Variants in PTPRG observed in about 807,000 individuals in gnomAD.
PTPRG encodes protein tyrosine phosphatase receptor type G, also known as receptor-type tyrosine-protein phosphatase gamma.
A neutral mutation model predicts 165.3 loss-of-function variants in PTPRG; 102 were observed. The ratio of observed to expected loss-of-function variants is 0.62; its 90% CI spans 0.53 to 0.73. The LOEUF is 0.73. Among genes scored for constraint, PTPRG ranks in the 30% least tolerant of loss-of-function variants. The pLI is 0.00. For synonymous variants in PTPRG, 675 were observed against 669.5 expected (o/e 1.01, Z -0.13); for missense variants, 1,866 against 1,861.4 (o/e 1.00, Z -0.05).
intron 1 of PTPRG, among the ~76,000 whole-genome samples, chr3:61,664,598 G>C (rs535501856): frequency 6.6e-6 from 1 of 152,184 alleles, no homozygotes; most frequent in Non-Finnish European, 1.5e-5. Context: ...GGAAGCCAAG[G>C]CTGGTAGGTC....
intron 1 of PTPRG, among the ~76,000 whole-genome samples, chr3:61,575,745 G>A (rs565716298): frequency 2.6e-5 from 4 of 151,952 alleles, no homozygotes; most frequent in South Asian, 2.1e-4. Flanking sequence ...AATTACAGGC[G>A]CATGCCACCA....
At chr3:61,926,581 T>TCCCCTCCCTCCCTCCCTCCC (rs1488879902) in intron 2 of PTPRG, among the ~76,000 whole-genome samples, 1 of 91,544 alleles carries the variant, frequency 1.1e-5, no homozygotes. Flanking sequence ...TTTCTTCCCC[T>TCCCCTCCCTCCCTCCCTCCC]TCCCTCCCTC....
intron 4 of PTPRG, among the ~76,000 whole-genome samples, chr3:62,011,345 A>G (rs1358452741): frequency 1.3e-5 from 2 of 152,220 alleles, no homozygotes; most frequent in African/African-American, 4.8e-5. Context: ...GTCTGCCTAT[A>G]GAAAGCTGGT....
intron 2 of PTPRG, among the ~76,000 whole-genome samples, chr3:61,894,948 A>G (rs949570866): frequency 6.6e-6 from 1 of 152,032 alleles, no homozygotes; most frequent in South Asian, 2.1e-4. Context: ...GGGGCCCCAT[A>G]AGTCTTTGTT....
intron 4 of PTPRG, among the ~76,000 whole-genome samples, chr3:62,041,641 G>A (rs1206512667): frequency 6.6e-6 from 1 of 152,102 alleles, no homozygotes; most frequent in Non-Finnish European, 1.5e-5. Flanking sequence ...CTGATATTGT[G>A]GGAGATTATA....
chr3:62,086,615 A>G (rs978242903), intron 5 of PTPRG, among the ~76,000 whole-genome samples: 2 of 152,252 alleles, frequency 1.3e-5, no homozygotes, highest in Non-Finnish European at 2.9e-5. Flanking sequence ...ATCCAGATAT[A>G]AGTTCAATTC....
At chr3:61,908,878 A>G (rs568913924) in intron 2 of PTPRG, among the ~76,000 whole-genome samples, 6 of 152,342 alleles carry the variant, frequency 3.9e-5, no homozygotes, top group Non-Finnish European at 7.4e-5. Context: ...TGGGCCTTAC[A>G]TGGAAGCTGA....
intron 2 of PTPRG, among the ~76,000 whole-genome samples, chr3:61,939,939 T>C: frequency 9.9e-6 from 1 of 101,142 alleles, no homozygotes; most frequent in East Asian, 2.6e-4. Context: ...TTTTTTTTTT[T>C]TTTTTTTTTT....
chr3:61,840,314 G>A (rs969866202), intron 2 of PTPRG, among the ~76,000 whole-genome samples: 4 of 152,008 alleles, frequency 2.6e-5, no homozygotes, highest in Admixed American at 6.6e-5. Context: ...GACCCATTTC[G>A]ATCTGTATTC....
rs1043557189 is a variant in PTPRG at position 62,214,540 on chromosome 3, C to T, written c.2156-4311C>T. Among the ~76,000 whole-genome samples the T allele has an allele frequency of 5.9e-5, 9 of 152,192 alleles. No individual in the cohort carries two copies. Among genetic ancestry groups the T allele is most frequent in the Non-Finnish European group, 1.3e-4 (9 of 68,030 alleles). ...CCAAAGTTGCAAAGCTAGTAGGAGGCAGAGCTTTGTAACTGTTCTTCCATA... is the reference window on the plus strand; with the variant it reads ...CCAAAGTTGCAAAGCTAGTAGGAGGTAGAGCTTTGTAACTGTTCTTCCATA... On this transcript the variant is annotated intron_variant, in intron 12 of 29. Transcript: ENST00000474889. This position sits in a 1 kb window ranked among gnomAD's most constrained non-coding sequence, Gnocchi z 5.2.
At chr3:62,202,820 C>T (rs1700126830) in intron 11 of PTPRG, among the ~76,000 whole-genome samples, 1 of 152,216 alleles carries the variant, frequency 6.6e-6, no homozygotes, top group African/African-American at 2.4e-5. Flanking sequence ...GAACAGATGA[C>T]CATCTGATTT....
intron 4 of PTPRG, among the ~76,000 whole-genome samples, chr3:62,051,033 A>G (rs1337021895): frequency 6.6e-6 from 1 of 152,196 alleles, no homozygotes; most frequent in Non-Finnish European, 1.5e-5. Flanking sequence ...GGAAATCAGA[A>G]GTTGGTTACT....
chr3:62,041,518 G>A (rs955581012), intron 4 of PTPRG, among the ~76,000 whole-genome samples: 1 of 152,096 alleles, frequency 6.6e-6, no homozygotes, highest in Admixed American at 6.6e-5. Flanking sequence ...AAATTCTGCC[G>A]AACCTCTGCC....
intron 4 of PTPRG, among the ~76,000 whole-genome samples, chr3:62,070,806 C>T (rs1701183705): frequency 6.6e-6 from 1 of 152,108 alleles, no homozygotes; most frequent in African/African-American, 2.4e-5. Context: ...TTCTTAGGCA[C>T]CTGTTTCTTG....
At chr3:61,683,723 A>G (rs913088509) in intron 1 of PTPRG, among the ~76,000 whole-genome samples, 7 of 152,318 alleles carry the variant, frequency 4.6e-5, no homozygotes, top group South Asian at 2.1e-4. Flanking sequence ...CTTCACCGTC[A>G]CTTGAATATT....
In PTPRG at chr3:62,251,792, T is replaced by G. The variant is rs531504473; in HGVS notation, c.2468-3332T>G. On this transcript the variant is annotated intron_variant, in intron 15 of 29. Coordinates refer to ENST00000474889, the MANE Select transcript of PTPRG (RefSeq NM_002841.4). The stretch of plus-strand genomic sequence containing the variant: ...TCCTAGTACACAGGAATACAGTCTT[T>G]GGGTTCAATGGACCTGGGTTCAAAT... 7.2e-4 allele frequency among the ~76,000 whole-genome samples: 109 copies of G among 152,340 alleles called. 1 individual carries two copies. The highest frequency in any genetic ancestry group is 1.4e-3 in the Non-Finnish European group (96 of 68,024).
At chr3:62,260,834 G>T (rs1701673875) in intron 16 of PTPRG, 1 of 152,150 alleles carries the variant, frequency 6.6e-6, no homozygotes, top group Non-Finnish European at 1.5e-5. Flanking sequence ...GACAAAATCA[G>T]AAGGCCTCAG....
At chr3:61,701,970 C>T (rs373786975) in intron 1 of PTPRG, among the ~76,000 whole-genome samples, 5 of 151,924 alleles carry the variant, frequency 3.3e-5, no homozygotes, top group African/African-American at 1.2e-4. Flanking sequence ...AAAAAGTAGC[C>T]TGTGTGCTTT....
At chr3:61,964,011 G>A (rs1046575441) in intron 2 of PTPRG, among the ~76,000 whole-genome samples, 1 of 152,188 alleles carries the variant, frequency 6.6e-6, no homozygotes, top group Admixed American at 6.5e-5. Flanking sequence ...CTTTCAGATA[G>A]TATTCTATGC....
Sources: gnomAD v4.1 joint callset for allele counts (sites outside exome capture counted in the v4.1 genomes callset) on GRCh38, gnomAD v4.1.1 for gene constraint, Gnocchi (gnomAD v3.1) non-coding constraint, MANE v1.5 for transcripts, NCBI Gene and HGNC (gene_info 2026-07-23, HGNC 2026-07-21) for gene names.